ESRRG: variants seen among roughly 807,000 people sequenced by gnomAD.
ESRRG encodes the protein estrogen-related receptor gamma.
Under a neutral mutation model 44.0 loss-of-function variants are expected in ESRRG, and 13 were observed. That is an observed-to-expected ratio of 0.30 (90% CI 0.19 to 0.47). ESRRG has a LOEUF of 0.47. Ranked by LOEUF, ESRRG falls within the 20% of genes least tolerant of loss-of-function variation. The pLI, the probability that ESRRG is intolerant of heterozygous loss-of-function variation, is 1.00. For synonymous variants in ESRRG, 215 were observed against 214.6 expected, an observed-to-expected ratio of 1.00 and a Z score of -0.02; for missense variants, 395 against 580.6, an observed-to-expected ratio of 0.68 and a Z score of 3.29.
intron 1 of ESRRG, among the ~76,000 whole-genome samples, chr1:217,122,773 T>C (rs1166339): frequency 0.98 from 148,482 of 151,190 alleles, 72,970 homozygotes; most frequent in Middle Eastern, 1. Context: ...TGAGTTCAAG[T>C]GATTCTCCCA....
intron 2 of ESRRG, among the ~76,000 whole-genome samples, chr1:216,737,472 G>C (rs1267800761): frequency 1.3e-5 from 2 of 152,056 alleles, no homozygotes; most frequent in Non-Finnish European, 2.9e-5. Flanking sequence ...CAATCCTCAG[G>C]CCTCACCCCA....
At position 216,777,891 on chromosome 1, in the gene ESRRG, T is replaced by C. The variant is rs146559317; in HGVS notation, c.-13-100400A>G. Among the ~76,000 whole-genome samples the C allele has an allele frequency of 1.1e-3, 162 of 152,220 alleles. 1 individual carries two copies. Among genetic ancestry groups the C allele is most frequent in the African/African-American group, 3.6e-3 (150 of 41,550 alleles). ...AAGTTCTCTCTATTCCATTATCTCTTCCATGCTGACTTATGAAGACAACCA... is the reference window on the plus strand; with the variant it reads ...AAGTTCTCTCTATTCCATTATCTCTCCCATGCTGACTTATGAAGACAACCA... On this transcript the variant is annotated intron_variant, in intron 2 of 7. Transcript: ENST00000359162.
At chr1:216,786,203 C>A (rs926923822) in intron 2 of ESRRG, among the ~76,000 whole-genome samples, 5 of 152,088 alleles carry the variant, frequency 3.3e-5, no homozygotes, top group African/African-American at 1.2e-4. Flanking sequence ...TGTTGCAATT[C>A]ACTTAGAGAT....
At chr1:217,034,225 GAATTACATTTT>G (rs1476867451) in intron 1 of ESRRG, among the ~76,000 whole-genome samples, 3 of 152,132 alleles carry the variant, frequency 2.0e-5, no homozygotes, top group Non-Finnish European at 2.9e-5. Flanking sequence ...TTTGCAACTT[GAATTACATTTT>G]AAAGCATCCA....
intron 2 of ESRRG, among the ~76,000 whole-genome samples, chr1:216,796,914 T>C (rs993068539): frequency 4.3e-4 from 66 of 152,288 alleles, no homozygotes; most frequent in African/African-American, 1.4e-3. Context: ...CTTTTTTAGA[T>C]GCAGTCTCAC....
Position 216,677,438 on chromosome 1 carries a change from G to C in ESRRG, c.110C>G (p.Ser37Cys). 6.2e-7 allele frequency: 1 copy of C among 1,614,044 alleles called. No individual in the cohort carries two copies. Residue 37 changes from serine to cysteine, a missense_variant, in exon 2 of 7, where the codon TCC becomes TGC. Coordinates refer to ENST00000408911, the MANE Select transcript of ESRRG (RefSeq NM_001438.4). ...GCTGGAAGGTTCCGTCTTGATGAAG[G>C]ACGAACAGCTGGAATCAATGTGTCG... ...KDRHIDSSCSSFIKTEPSSPA... is the reference protein window; with the variant it reads ...KDRHIDSSCSCFIKTEPSSPA...
intron 1 of ESRRG, among the ~76,000 whole-genome samples, chr1:216,682,448 A>G (rs575173467): frequency 2.0e-4 from 30 of 152,264 alleles, no homozygotes; most frequent in Non-Finnish European, 4.0e-4. Flanking sequence ...ATGTTTTTGT[A>G]TAAGGACACA....
At chr1:216,640,197 G>A (rs1205287004) in intron 3 of ESRRG, among the ~76,000 whole-genome samples, 2 of 152,098 alleles carry the variant, frequency 1.3e-5, no homozygotes, top group African/African-American at 4.8e-5. Flanking sequence ...CTCTCAAAAA[G>A]CACAATCTGC....
intron 5 of ESRRG, among the ~76,000 whole-genome samples, chr1:216,521,950 T>C (rs988299020): frequency 5.3e-5 from 8 of 152,150 alleles, no homozygotes; most frequent in African/African-American, 1.9e-4. Context: ...GAAGGCACGC[T>C]AGCGACATTT....
intron 3 of ESRRG, among the ~76,000 whole-genome samples, chr1:216,608,711 A>G (rs1329192981): frequency 6.6e-6 from 1 of 152,136 alleles, no homozygotes; most frequent in East Asian, 1.9e-4. Context: ...GCACTGTTAA[A>G]CAGTTCCTTA....
intron 2 of ESRRG, among the ~76,000 whole-genome samples, chr1:216,775,854 C>T (rs1441682154): frequency 3.3e-5 from 5 of 151,830 alleles, no homozygotes; most frequent in East Asian, 3.9e-4. Context: ...TGTCAGCTAC[C>T]GTGCCAAGCT....
intron 1 of ESRRG, among the ~76,000 whole-genome samples, chr1:216,947,874 C>T (rs116748240): frequency 0.026 from 4,030 of 152,156 alleles, 147 homozygotes; most frequent in African/African-American, 0.085. Flanking sequence ...GGAAAGAGAG[C>T]AGAAGTGACA....
At chr1:217,024,977 T>G (rs562151749) in intron 1 of ESRRG, among the ~76,000 whole-genome samples, 1 of 152,310 alleles carries the variant, frequency 6.6e-6, no homozygotes, top group East Asian at 1.9e-4. Flanking sequence ...TTTAGTAACA[T>G]GCCCAAGGCC....
intron 2 of ESRRG, among the ~76,000 whole-genome samples, chr1:216,817,666 C>G (rs531574940): frequency 6.6e-6 from 1 of 152,000 alleles, no homozygotes; most frequent in Non-Finnish European, 1.5e-5. Flanking sequence ...TTTAATGATG[C>G]TGTATATATT....
chr1:216,616,690 G>A (rs1037262413), intron 3 of ESRRG, among the ~76,000 whole-genome samples: 5 of 133,794 alleles, frequency 3.7e-5, no homozygotes, highest in African/African-American at 1.6e-4. Context: ...CCACTGAGCT[G>A]ATCTCACTTT....
chr1:216,916,868 T>G (rs2061253698), intron 2 of ESRRG, among the ~76,000 whole-genome samples: 2 of 65,856 alleles, frequency 3.0e-5, no homozygotes, highest in East Asian at 4.7e-4. Flanking sequence ...TTTTTTTTTT[T>G]TTTTTTTTTT....
At chr1:217,092,968 A>G (rs145065243), upstream of ESRRG, among the ~76,000 whole-genome samples, 342 of 151,132 alleles carry the variant, frequency 2.3e-3, 2 homozygotes, top group African/African-American at 7.9e-3. Context: ...TTCTATGATA[A>G]GGTAGAACTT....
intron 2 of ESRRG, among the ~76,000 whole-genome samples, chr1:216,890,849 T>C (rs1011662836): frequency 3.9e-5 from 6 of 152,326 alleles, no homozygotes; most frequent in African/African-American, 1.2e-4. Context: ...ACTGTGTGCA[T>C]GTCTCTCCTA....
At chr1:217,051,205 G>GGGGC (rs1553259203) in intron 1 of ESRRG, among the ~76,000 whole-genome samples, 3 of 44,884 alleles carry the variant, frequency 6.7e-5, no homozygotes, top group African/African-American at 2.1e-4. Context: ...TAATGGGGGC[G>GGGGC]GGGGGGGGGG....
Sources: gnomAD v4.1 joint callset for allele counts (sites outside exome capture counted in the v4.1 genomes callset) on GRCh38, gnomAD v4.1.1 for gene constraint, MANE v1.5 for transcripts, NCBI Gene and HGNC (gene_info 2026-07-23, HGNC 2026-07-21) for gene names.